UTRN: variants seen among roughly 807,000 people sequenced by gnomAD.
The protein encoded by UTRN is utrophin, also known as dystrophin-related protein 1.
Under a neutral mutation model 463.9 loss-of-function variants are expected in UTRN, and 283 were observed. That is an observed-to-expected ratio of 0.61 (90% CI 0.55 to 0.67). UTRN has a LOEUF of 0.67. Among genes scored for constraint, UTRN ranks in the 30% least tolerant of loss-of-function variants. The pLI, the probability that UTRN is intolerant of heterozygous loss-of-function variation, is 0.00. For missense variants in UTRN, 3,922 were observed against 4,084.3 expected, an observed-to-expected ratio of 0.96 and a Z score of 1.08; for synonymous variants, 1,442 against 1,431.5, an observed-to-expected ratio of 1.01 and a Z score of -0.17.
chr6:144,610,655 A>C (rs1271637934), intron 51 of UTRN, among the ~76,000 whole-genome samples: 1 of 152,138 alleles, frequency 6.6e-6, no homozygotes. Flanking sequence ...TGGGAGAATC[A>C]CCTAAGGTCA....
chr6:144,647,244 G>T (rs1778394794), intron 51 of UTRN, among the ~76,000 whole-genome samples: 1 of 152,154 alleles, frequency 6.6e-6, no homozygotes, highest in South Asian at 2.1e-4. Flanking sequence ...AAGCCCATAG[G>T]ATTTATACTG....
chr6:144,610,177 A>G (rs1805336754), intron 51 of UTRN, among the ~76,000 whole-genome samples: 1 of 151,192 alleles, frequency 6.6e-6, no homozygotes, highest in East Asian at 1.9e-4. Context: ...TCAACAGACC[A>G]TTAGCTAGAC....
At chr6:144,614,654 G>T (rs1361450945) in intron 51 of UTRN, among the ~76,000 whole-genome samples, 1 of 152,128 alleles carries the variant, frequency 6.6e-6, no homozygotes, top group Non-Finnish European at 1.5e-5. Flanking sequence ...TTGGCCTGTG[G>T]TGCTTCCATT....
intron 51 of UTRN, among the ~76,000 whole-genome samples, chr6:144,578,339 C>T (rs114354161): frequency 0.015 from 2,274 of 152,176 alleles, 65 homozygotes; most frequent in African/African-American, 0.052. Context: ...CCTGTGAACA[C>T]GTGTTCCATT....
At chr6:144,652,776 G>A (rs945084155) in intron 51 of UTRN, among the ~76,000 whole-genome samples, 1 of 152,190 alleles carries the variant, frequency 6.6e-6, no homozygotes, top group Non-Finnish European at 1.5e-5. Flanking sequence ...GCTTTGTTCT[G>A]TCTGTCCCTT....
At chr6:144,816,045 C>T (rs1779046003) in intron 65 of UTRN, among the ~76,000 whole-genome samples, 1 of 152,146 alleles carries the variant, frequency 6.6e-6, no homozygotes, top group Admixed American at 6.5e-5. Flanking sequence ...CACTAATTGT[C>T]TTGACAAAAG....
At position 144,423,565 on chromosome 6, in the gene UTRN, C is replaced by G; in HGVS notation, c.251C>G (p.Ser84Cys). The G allele has an allele frequency of 1.9e-6, 3 of 1,614,198 alleles. No individual in the cohort carries two copies. The highest frequency in any genetic ancestry group is 2.5e-6 in the Non-Finnish European group (3 of 1,180,044). The change falls in exon 5 of 75, where the codon TCC (serine) becomes TGC (cysteine). Residue 84 changes from serine (S) to cysteine (C), a missense_variant. Around this residue, in one of 3 missense-constraint regions of UTRN, gnomAD observed 264 missense variants for 327.9 expected, o/e 0.81. Coordinates refer to ENST00000367545, the MANE Select transcript of UTRN (RefSeq NM_007124.3). ...ATTTTCCAGCCAAAGGAACGTGGTT[C>G]CACAAGGGTACATGCCTTAAATAAC... The part of the protein sequence containing the change: ...TGTSLPKERG[S>C]TRVHALNNVN...
chr6:144,733,033 A>C (rs1788937033), intron 54 of UTRN, among the ~76,000 whole-genome samples: 1 of 152,132 alleles, frequency 6.6e-6, no homozygotes, highest in Non-Finnish European at 1.5e-5. Flanking sequence ...AAATCTTTGG[A>C]TCATCACCTT....
intron 26 of UTRN, among the ~76,000 whole-genome samples, chr6:144,480,889 G>A (rs537807152): frequency 4.6e-5 from 7 of 152,228 alleles, no homozygotes; most frequent in African/African-American, 1.7e-4. Flanking sequence ...ATGAATCAAA[G>A]TAAATATGAC....
intron 51 of UTRN, among the ~76,000 whole-genome samples, chr6:144,628,552 T>A (rs953405722): frequency 1.3e-5 from 2 of 152,192 alleles, no homozygotes; most frequent in South Asian, 4.1e-4. Flanking sequence ...CTTCCAACAT[T>A]TTCAGCTTTT....
intron 54 of UTRN, among the ~76,000 whole-genome samples, chr6:144,740,363 C>T (rs536988011): frequency 1.9e-4 from 29 of 152,016 alleles, no homozygotes; most frequent in African/African-American, 7.0e-4. Context: ...ACTGAAATAC[C>T]ACGCTGCATA....
chr6:144,504,273 A>C (rs1473679810), intron 34 of UTRN, among the ~76,000 whole-genome samples: 1 of 152,196 alleles, frequency 6.6e-6, no homozygotes, highest in Admixed American at 6.5e-5. Flanking sequence ...TTCCAATACT[A>C]TATTGAATAG....
intron 53 of UTRN, among the ~76,000 whole-genome samples, chr6:144,722,136 A>G (rs1306565043): frequency 6.6e-6 from 1 of 152,152 alleles, no homozygotes; most frequent in Non-Finnish European, 1.5e-5. Context: ...TCTTTCCCTA[A>G]CTTCCTTGAT....
At chr6:144,616,656 A>G (rs1806142004) in intron 51 of UTRN, among the ~76,000 whole-genome samples, 1 of 151,962 alleles carries the variant, frequency 6.6e-6, no homozygotes, top group Non-Finnish European at 1.5e-5. Flanking sequence ...ATTTTTATGT[A>G]TATTATTATA....
chr6:144,558,591 C>T (rs538906165), intron 50 of UTRN, among the ~76,000 whole-genome samples: 7 of 151,988 alleles, frequency 4.6e-5, no homozygotes, highest in Non-Finnish European at 1.0e-4. Context: ...TGTAACAAAC[C>T]TGCACGTTGT....
chr6:144,797,101 T>C (rs545174894), intron 63 of UTRN, among the ~76,000 whole-genome samples: 2 of 152,268 alleles, frequency 1.3e-5, no homozygotes, highest in Middle Eastern at 3.4e-3. Context: ...CACACAAAAA[T>C]GACAGCTTTT....
At chr6:144,601,229 A>G (rs1164434324) in intron 51 of UTRN, among the ~76,000 whole-genome samples, 1 of 152,210 alleles carries the variant, frequency 6.6e-6, no homozygotes, top group African/African-American at 2.4e-5. Flanking sequence ...AAGTCTTATT[A>G]TTTAAGAAAT....
At chr6:144,840,617 G>T in intron 72 of UTRN, 123 bp from the exon 73 acceptor site, 1 of 1,091,180 alleles carries the variant, frequency 9.2e-7, no homozygotes, top group South Asian at 1.6e-5. Flanking sequence ...CCTTTGCAAT[G>T]GGAAATCTTT....
chr6:144,646,017 T>C (rs1778265852), intron 51 of UTRN, among the ~76,000 whole-genome samples: 2 of 152,206 alleles, frequency 1.3e-5, no homozygotes, highest in Non-Finnish European at 2.9e-5. Context: ...TGTTGATCTT[T>C]CATATGGGTC....
Sources: allele counts gnomAD v4.1 joint callset (sites outside exome capture counted in the v4.1 genomes callset), GRCh38; gene constraint gnomAD v4.1.1; regional missense constraint gnomAD v4.1.1; transcripts MANE v1.5; gene names NCBI Gene and HGNC (gene_info 2026-07-23, HGNC 2026-07-21).